Variants in CROCC2 observed in about 807,000 individuals in gnomAD.
CROCC2 encodes ciliary rootlet coiled-coil protein 2.
Under a neutral mutation model 177.6 loss-of-function variants are expected in CROCC2, and 163 were observed. That is an observed-to-expected ratio of 0.92 (90% confidence interval 0.81 to 1.05). The LOEUF (loss-of-function observed/expected upper bound fraction) is 1.05, where lower values mean the gene tolerates loss of function less well. Among genes scored for constraint, CROCC2 ranks in the 50% least tolerant of loss-of-function variants. The probability of loss-of-function intolerance (pLI) is 0.00; values close to 1 mark genes in which losing one functional copy is unlikely to be tolerated. For missense variants in CROCC2, 1,929 were observed against 1,797.8 expected (o/e 1.07, Z -1.32); for synonymous variants, 904 against 787.3 (o/e 1.15, Z -2.48).
In CROCC2 at chr2:240,949,475, C is replaced by T; in HGVS notation, c.2483-58C>T. On this transcript the variant is annotated intron_variant, in intron 16 of 31. Coordinates refer to ENST00000690015, the MANE Select transcript of CROCC2 (RefSeq NM_001351305.2). This position sits in a 1 kb window ranked among gnomAD's most constrained non-coding sequence, Gnocchi z 4.5. ...AAGACTGTCACTCCCTAGGAAGTCC[C>T]AAAGGGTTCAGGGGTCCACATGCCA... 6.5e-7 allele frequency: 1 copy of T among 1,528,916 alleles called. No homozygotes were observed. The highest frequency in any genetic ancestry group is 8.8e-7 in the Non-Finnish European group (1 of 1,130,872). The allele number at this position is 1,528,916 out of a possible 1,614,324, so 94.7% of individuals were successfully genotyped here. A position where few individuals can be genotyped will look rare whatever the true frequency, so the allele number is the denominator to read the frequency against.
In CROCC2 at chr2:240,959,395, G is replaced by A. The variant is rs983668401; in HGVS notation, c.3038G>A (p.Arg1013His). 31 of 1,550,382 alleles carry A rather than the reference G, an allele frequency of 2.0e-5. 1 individual carries two copies. The highest frequency in any genetic ancestry group is 1.7e-4 in the East Asian group (7 of 40,936). Residue 1013 changes from arginine to histidine, a missense_variant, in exon 20 of 32, where the codon CGC becomes CAC. Physicochemically the swap from Arg to His is conservative, Grantham distance 29. Transcript: ENST00000690015. ...CATCAGAGGGAGACCACGGCCCTAC[G>A]CGAGAGCCTCCAGGACCTAGCGGCT... Reference protein sequence around the residue: ...TAHQRETTALRESLQDLAAER... With the variant: ...TAHQRETTALHESLQDLAAER...
At chr2:240,938,827 G>T (rs183568729) in intron 14 of CROCC2, among the ~76,000 whole-genome samples, 1 of 151,720 alleles carries the variant, frequency 6.6e-6, no homozygotes, top group African/African-American at 2.4e-5. Context: ...ATTATATTAC[G>T]GTTTTAATGT....
chr2:240,940,479 A>G (rs1192912829), intron 14 of CROCC2, among the ~76,000 whole-genome samples: 2 of 152,116 alleles, frequency 1.3e-5, no homozygotes. Flanking sequence ...ATGTCTGCTT[A>G]TTTAAAGTGT....
At position 240,918,649 on chromosome 2, in the gene CROCC2, A is replaced by G. The variant is rs777347248; in HGVS notation, c.79-77A>G. The G allele has an allele frequency of 9.7e-4, 497 of 511,920 alleles. 1 individual carries two copies. Among genetic ancestry groups the G allele is most frequent in the Non-Finnish European group, 1.5e-3 (435 of 286,826 alleles). The allele number at this position is 511,920 out of a possible 1,614,324, so 31.7% of individuals were successfully genotyped here. The stretch of plus-strand genomic sequence containing the variant: ...TTGGGGTGGCCCTGTGGCGGCTCCC[A>G]TTCAGTGGGATCGTAGAGGGTGCCT... On this transcript the variant is annotated intron_variant, in intron 1 of 31. Transcript: ENST00000690015. The surrounding 1 kb of genome is among the most constrained non-coding windows in gnomAD (Gnocchi z 6.3).
intron 15 of CROCC2, among the ~76,000 whole-genome samples, chr2:240,948,097 G>A (rs1301546171): frequency 1.3e-5 from 2 of 152,174 alleles, no homozygotes; most frequent in African/African-American, 4.8e-5. Flanking sequence ...GCAGAAGGGG[G>A]AAGAGCTGCC....
Position 240,913,721 on chromosome 2 carries a change from C to A in CROCC2, c.79-5005C>A, listed in dbSNP as rs142630338. Among the ~76,000 whole-genome samples, 247 of 152,396 alleles carry A rather than the reference C, an allele frequency of 1.6e-3. 1 individual carries two copies. The highest frequency in any genetic ancestry group is 5.6e-3 in the African/African-American group (232 of 41,592). On this transcript the variant is annotated intron_variant, in intron 1 of 31. Coordinates refer to ENST00000690015, the MANE Select transcript of CROCC2 (RefSeq NM_001351305.2). ...ATGCCCAGGCCCAGAGTGTGCTCCA[C>A]AAACACAGAGACTTAAACTGAGCAA...
chr2:240,962,724 G>A (rs559844220), intron 20 of CROCC2, among the ~76,000 whole-genome samples: 5 of 152,302 alleles, frequency 3.3e-5, no homozygotes, highest in East Asian at 1.9e-4. Context: ...CACGAGAGCC[G>A]GAATGGAGCC....
At chr2:240,957,542 G>T in intron 19 of CROCC2, 1 of 152,426 alleles carries the variant, frequency 6.6e-6, no homozygotes. Context: ...GGGGCCTTGG[G>T]GGACGCTCGG....
chr2:240,990,799 G>T (rs2059873961), intron 30 of CROCC2, among the ~76,000 whole-genome samples: 1 of 152,096 alleles, frequency 6.6e-6, no homozygotes, highest in Non-Finnish European at 1.5e-5. Flanking sequence ...GGCCAGCCTG[G>T]TCTCAAACTC....
At chr2:240,930,799 A>C (rs2059424055) in intron 6 of CROCC2, 132 bp from the exon 7 acceptor site, 1 of 594,362 alleles carries the variant, frequency 1.7e-6, no homozygotes, top group Non-Finnish European at 3.0e-6. Context: ...ACATGGGAAC[A>C]ATCAATGCCA....
At chr2:240,981,757 A>C (rs556823058) in intron 27 of CROCC2, 1 of 152,076 alleles carries the variant, frequency 6.6e-6, no homozygotes, top group Non-Finnish European at 1.5e-5. Flanking sequence ...GGACCAAAAA[A>C]AAAAGTGTTT....
chr2:240,928,739 G>T (rs1038484786), intron 5 of CROCC2, among the ~76,000 whole-genome samples: 3 of 139,076 alleles, frequency 2.2e-5, no homozygotes, highest in Admixed American at 7.1e-5. Flanking sequence ...AGGGCGTGCA[G>T]ACAGGTGTAA....
rs962388447 is a variant in CROCC2, at chr2:240,960,521, G to T, written c.3087+1077G>T. Among the ~76,000 whole-genome samples, 24 of 152,140 alleles carry T rather than the reference G, an allele frequency of 1.6e-4. 1 individual carries two copies. The highest frequency in any genetic ancestry group is 2.9e-5 in the Non-Finnish European group (2 of 68,006). On this transcript the variant is annotated intron_variant, in intron 20 of 31. Coordinates refer to ENST00000690015, the MANE Select transcript of CROCC2 (RefSeq NM_001351305.2). This position sits in a 1 kb window ranked among gnomAD's most constrained non-coding sequence, Gnocchi z 5.0. Reference sequence around the variant, plus strand: ...TGGCAGGACGGGGGGACGCCTGTGTGTGGCAAGGGCAGGAGGGCACGCGGA... The same window carrying T: ...TGGCAGGACGGGGGGACGCCTGTGTTTGGCAAGGGCAGGAGGGCACGCGGA...
rs991472193 is a variant in CROCC2, at chr2:240,960,847, G to A, written c.3087+1403G>A. ...CAAGGAGAAAGGTCTCCTTTCAACAGATTTCAAAGTCAGGCCCGGTCAGCG... is the reference window on the plus strand; with the variant it reads ...CAAGGAGAAAGGTCTCCTTTCAACAAATTTCAAAGTCAGGCCCGGTCAGCG... On this transcript the variant is annotated intron_variant, in intron 20 of 31. Transcript: ENST00000690015. The surrounding 1 kb of genome is among the most constrained non-coding windows in gnomAD (Gnocchi z 5.0). Among the ~76,000 whole-genome samples the A allele has an allele frequency of 6.8e-6, 1 of 147,188 alleles. No individual in the cohort carries two copies. Among genetic ancestry groups the A allele is most frequent in the Non-Finnish European group, 1.5e-5 (1 of 67,078 alleles).
In CROCC2 at chr2:240,955,883, C is replaced by T. The variant is rs894869198; in HGVS notation, c.2854C>T (p.Arg952Trp). 3.5e-5 allele frequency: 54 copies of T among 1,534,888 alleles called. No individual in the cohort carries two copies. The highest frequency in any genetic ancestry group is 2.7e-4 in the East Asian group (11 of 40,918). The change falls in exon 19 of 32, where the codon CGG becomes TGG. Residue 952 changes from arginine to tryptophan, a missense_variant. Physicochemically the swap from Arg to Trp is moderately radical, Grantham distance 101. Transcript: ENST00000690015. Reference sequence around the variant, plus strand: ...GGCCCTGTCCCTGAAAGAAACAGAGCGGAGCCTTCTGAGTGAGGAGCTCTC... The same window carrying T: ...GGCCCTGTCCCTGAAAGAAACAGAGTGGAGCCTTCTGAGTGAGGAGCTCTC... ...QQALSLKETERSLLSEELSRA... is the reference protein window; with the variant it reads ...QQALSLKETEWSLLSEELSRA...
chr2:240,922,070 CT>C (rs1370150376), intron 3 of CROCC2, among the ~76,000 whole-genome samples: 9 of 152,198 alleles, frequency 5.9e-5, no homozygotes, highest in Non-Finnish European at 2.9e-5. Flanking sequence ...AGAGGTAGCC[CT>C]GTGACCTTCC....
intron 15 of CROCC2, among the ~76,000 whole-genome samples, chr2:240,947,401 G>A (rs373953156): frequency 5.3e-5 from 8 of 152,270 alleles, no homozygotes; most frequent in African/African-American, 1.9e-4. Context: ...CCTGACAGCT[G>A]CCCCTACCTC....
rs142643083 is a variant in CROCC2, at chr2:240,960,964, C to T, written c.3087+1520C>T. ...TGGAGAGGGTGGGGGTGCATTGGTT[C>T]TGCTGGCCTCAAGGAAGGGAGTGCA... On this transcript the variant is annotated intron_variant, in intron 20 of 31. Transcript: ENST00000690015. The surrounding 1 kb of genome is among the most constrained non-coding windows in gnomAD (Gnocchi z 5.0). 9.9e-5 allele frequency among the ~76,000 whole-genome samples: 15 copies of T among 151,728 alleles called. No homozygotes were observed. In the East Asian group the frequency reaches 1.9e-3, roughly 20 times the overall value.
At position 240,950,497 on chromosome 2, in the gene CROCC2, A is replaced by G. The variant is rs1395608985; in HGVS notation, c.2816A>G (p.His939Arg). 1.3e-6 allele frequency: 2 copies of G among 1,549,576 alleles called. No homozygotes were observed. The highest frequency in any genetic ancestry group is 1.7e-6 in the Non-Finnish European group (2 of 1,146,406). ...GACGAGAGCCTTCTCCAACTGGAGC[A>G]CAAGATGCAACAGGTGATGGTGAGG... ...ERDESLLQLEHKMQQALSLKE... is the reference protein window; with the variant it reads ...ERDESLLQLERKMQQALSLKE... Residue 939 changes from histidine (H) to arginine (R), a missense_variant, in exon 18 of 32, where the codon CAC becomes CGC. His to Arg is a conservative substitution (Grantham distance 29, BLOSUM62 0). Transcript: ENST00000690015.
Sources: allele counts gnomAD v4.1 joint callset (sites outside exome capture counted in the v4.1 genomes callset), GRCh38; gene constraint gnomAD v4.1.1; non-coding constraint Gnocchi (gnomAD v3.1); transcripts MANE v1.5; gene names NCBI Gene and HGNC (gene_info 2026-07-23, HGNC 2026-07-21).